Variants in GPC6 observed in about 807,000 individuals in gnomAD.
GPC6 encodes glypican-6.
Under a neutral mutation model 55.2 loss-of-function variants are expected in GPC6, and 14 were observed. The observed-to-expected ratio is 0.25, with a 90% CI of 0.17 to 0.40. The LOEUF (loss-of-function observed/expected upper bound fraction) is 0.40, where lower values mean the gene tolerates loss of function less well. Among genes scored for constraint, GPC6 ranks in the 10% least tolerant of loss-of-function variants. GPC6 has a pLI of 1.00. For missense variants in GPC6, 641 were observed against 708.5 expected (o/e 0.90, Z 1.08); for synonymous variants, 278 against 259.6 (o/e 1.07, Z -0.68).
At chr13:93,341,446 C>G (rs1819341) in intron 1 of GPC6, among the ~76,000 whole-genome samples, 78,725 of 152,050 alleles carry the variant, frequency 0.52, 23,300 homozygotes, top group East Asian at 0.95. Flanking sequence ...CATTCTTGCA[C>G]GAGTAAGGTG....
In GPC6 at chr13:93,696,301, T is replaced by G. The variant is rs572629354; in HGVS notation, c.320-133853T>G. Among the ~76,000 whole-genome samples, 4 of 152,176 alleles carry G rather than the reference T, an allele frequency of 2.6e-5. No individual in the cohort carries two copies. The East Asian group carries it at 7.7e-4, about 29-fold the overall frequency. ...CTTCACAAACTTTGAATATTTAGAG[T>G]TTTGGTATTGCTTTTAACGAAAGTT... On this transcript the variant is annotated intron_variant, in intron 2 of 8. Transcript: ENST00000377047.
intron 2 of GPC6, among the ~76,000 whole-genome samples, chr13:93,583,401 T>A (rs1877033384): frequency 6.9e-6 from 1 of 145,172 alleles, no homozygotes; most frequent in South Asian, 2.3e-4. Flanking sequence ...GCCTTACTAA[T>A]TGAAGATACC....
chr13:94,036,842 G>A (rs1042742325), intron 4 of GPC6, among the ~76,000 whole-genome samples: 3 of 151,950 alleles, frequency 2.0e-5, no homozygotes, highest in East Asian at 1.9e-4. Context: ...ATTGACTTCA[G>A]GAGGAGGGTA....
At chr13:94,212,066 T>C (rs963678138) in intron 4 of GPC6, among the ~76,000 whole-genome samples, 20 of 152,200 alleles carry the variant, frequency 1.3e-4, no homozygotes, top group African/African-American at 4.8e-4. Flanking sequence ...TATCCAATTC[T>C]GTAACCTGGG....
chr13:94,179,008 C>G (rs934498723), intron 4 of GPC6, among the ~76,000 whole-genome samples: 1 of 152,264 alleles, frequency 6.6e-6, no homozygotes. Flanking sequence ...GATCTTGAAG[C>G]CTGTTACAAG....
At chr13:94,278,245 G>T (rs1262668272) in intron 4 of GPC6, among the ~76,000 whole-genome samples, 1 of 152,024 alleles carries the variant, frequency 6.6e-6, no homozygotes, top group Non-Finnish European at 1.5e-5. Flanking sequence ...CTTGTCTATT[G>T]TTGGTATAAA....
chr13:94,093,868 A>G (rs748662095), intron 4 of GPC6, among the ~76,000 whole-genome samples: 4 of 152,110 alleles, frequency 2.6e-5, no homozygotes, highest in African/African-American at 4.8e-5. Flanking sequence ...CTCACTGAGT[A>G]TTCAGTGTAC....
At chr13:94,286,284 T>A in intron 4 of GPC6, 65 bp from the exon 5 acceptor site, 1 of 1,558,034 alleles carries the variant, frequency 6.4e-7, no homozygotes, top group Admixed American at 1.7e-5. Context: ...TAACAATGTT[T>A]AAACACAGGT....
At chr13:94,395,249 G>GGAATTTATTTGCATATGAGATATAGTAA (rs1880847034) in intron 7 of GPC6, among the ~76,000 whole-genome samples, 1 of 152,146 alleles carries the variant, frequency 6.6e-6, no homozygotes, top group Non-Finnish European at 1.5e-5. Context: ...GGATCAAACA[G>GGAATTTATTTGCATATGAGATATAGTAA]GAATTTATTT....
rs145288728 is a variant in GPC6, at chr13:94,319,358, A to G, written c.1152+13235A>G. On this transcript the variant is annotated intron_variant, in intron 6 of 8. Transcript: ENST00000377047. ...TACAAGAGGACCTTAGAACACCTTAATTCTGATAATTCTCCTCCCAACTTA... is the reference window on the plus strand; with the variant it reads ...TACAAGAGGACCTTAGAACACCTTAGTTCTGATAATTCTCCTCCCAACTTA... 7.4e-3 allele frequency among the ~76,000 whole-genome samples: 1,134 copies of G among 152,276 alleles called. 15 individuals carry two copies. Among genetic ancestry groups the G allele is most frequent in the African/African-American group, 0.025 (1,051 of 41,564 alleles).
chr13:93,949,738 A>AT (rs1224075517), intron 3 of GPC6, among the ~76,000 whole-genome samples: 3 of 152,032 alleles, frequency 2.0e-5, no homozygotes, highest in Admixed American at 6.6e-5. Context: ...TTTTTAAAAA[A>AT]TTTTTTTGAG....
intron 1 of GPC6, among the ~76,000 whole-genome samples, chr13:93,380,420 T>G (rs1040018104): frequency 1.3e-4 from 20 of 152,186 alleles, no homozygotes; most frequent in Non-Finnish European, 2.5e-4. Context: ...ATTGGTAAGG[T>G]CATATAAATG....
At chr13:93,622,185 T>C (rs770640832) in intron 2 of GPC6, among the ~76,000 whole-genome samples, 7 of 152,178 alleles carry the variant, frequency 4.6e-5, no homozygotes, top group Admixed American at 1.3e-4. Context: ...TGCATCATAA[T>C]ACCATGCTCA....
rs1876945653 is a variant in GPC6, at chr13:93,911,009, C to G, written c.711+80464C>G. 1.3e-5 allele frequency among the ~76,000 whole-genome samples: 2 copies of G among 152,150 alleles called. 1 individual carries two copies. Among genetic ancestry groups the G allele is most frequent in the South Asian group, 4.1e-4 (2 of 4,830 alleles). ...ACTCAGACCTGGCTTTCTTTGAAATCAGAATCCAATATTGTCTCTGAGAGA... is the reference window on the plus strand; with the variant it reads ...ACTCAGACCTGGCTTTCTTTGAAATGAGAATCCAATATTGTCTCTGAGAGA... On this transcript the variant is annotated intron_variant, in intron 3 of 8. Transcript: ENST00000377047.
chr13:93,363,829 G>A (rs376647638), intron 1 of GPC6, among the ~76,000 whole-genome samples: 22 of 151,914 alleles, frequency 1.4e-4, no homozygotes, highest in East Asian at 1.4e-3. Context: ...TTGCCATTCT[G>A]ACTGGTGTGA....
At chr13:94,352,281 G>A (rs761835550) in intron 6 of GPC6, among the ~76,000 whole-genome samples, 20 of 151,986 alleles carry the variant, frequency 1.3e-4, no homozygotes, top group Non-Finnish European at 2.2e-4. Flanking sequence ...AGGATCCCAG[G>A]CTCACCCCAC....
chr13:94,371,124 G>T (rs1313121482), intron 6 of GPC6, among the ~76,000 whole-genome samples: 4 of 152,158 alleles, frequency 2.6e-5, no homozygotes, highest in Non-Finnish European at 1.5e-5. Flanking sequence ...AATGGTGGTG[G>T]AGGTGCCAAT....
chr13:93,401,332 G>A (rs1370512049), intron 1 of GPC6, among the ~76,000 whole-genome samples: 1 of 152,056 alleles, frequency 6.6e-6, no homozygotes, highest in Admixed American at 6.6e-5. Context: ...GGCAGGGAAT[G>A]AGCGCTGTCA....
At chr13:93,319,377 G>A (rs1302492643) in intron 1 of GPC6, among the ~76,000 whole-genome samples, 1 of 152,090 alleles carries the variant, frequency 6.6e-6, no homozygotes. Context: ...GGAAATTGGA[G>A]AAACTAAATT....
Sources: gnomAD v4.1 joint callset for allele counts (sites outside exome capture counted in the v4.1 genomes callset) on GRCh38, gnomAD v4.1.1 for gene constraint, MANE v1.5 for transcripts, NCBI Gene and HGNC (gene_info 2026-07-23, HGNC 2026-07-21) for gene names.